Variants in ARPP21 observed in about 807,000 individuals in gnomAD.
ARPP21 encodes the protein cAMP-regulated phosphoprotein 21.
In ARPP21, 69 loss-of-function variants were observed where a neutral mutation model predicts 113.2. The ratio of observed to expected loss-of-function variants is 0.61; its 90% confidence interval spans 0.50 to 0.74. The LOEUF is 0.74. Among genes scored for constraint, ARPP21 ranks in the 30% least tolerant of loss-of-function variants. The pLI, the probability that ARPP21 is intolerant of heterozygous loss-of-function variation, is 0.00. For missense variants in ARPP21, 1,070 were observed against 1,037.4 expected, an observed-to-expected ratio of 1.03 and a Z score of -0.43; for synonymous variants, 368 against 375.5, an observed-to-expected ratio of 0.98 and a Z score of 0.23.
At chr3:35,783,987 T>A (rs1037588240) in intron 19 of ARPP21, among the ~76,000 whole-genome samples, 3 of 152,162 alleles carry the variant, frequency 2.0e-5, no homozygotes, top group African/African-American at 7.2e-5. Flanking sequence ...CTGGAAGCTT[T>A]CCACTGCATG....
In ARPP21 at chr3:35,793,820, T is replaced by A. The variant is rs776314966; in HGVS notation, c.2406T>A (p.Asn802Lys). Residue 802 changes from asparagine to lysine, a missense_variant, in exon 21 of 21, where the codon AAT becomes AAA. By Grantham distance (94) the Asn-to-Lys change is moderately conservative. Transcript: ENST00000684406. ...LPATGMPVYCNVTPPTPQNNL... is the reference protein window; with the variant it reads ...LPATGMPVYCKVTPPTPQNNL... ...CCACTGGAATGCCTGTTTACTGTAA[T>A]GTCACACCGCCCACCCCTCAGAACA... 2.7e-5 allele frequency: 44 copies of A among 1,614,088 alleles called. No homozygotes were observed. The highest frequency in any genetic ancestry group is 3.3e-4 in the Middle Eastern group (2 of 6,084).
intron 1 of ARPP21, among the ~76,000 whole-genome samples, chr3:35,670,256 G>T (rs2149309843): frequency 6.6e-6 from 1 of 152,184 alleles, no homozygotes; most frequent in East Asian, 1.9e-4. Flanking sequence ...TCAGGTTTGT[G>T]CAGGGAACAC....
chr3:35,669,365 T>C (rs987004385), intron 1 of ARPP21, among the ~76,000 whole-genome samples: 1 of 152,202 alleles, frequency 6.6e-6, no homozygotes, highest in Non-Finnish European at 1.5e-5. Flanking sequence ...GTTTCACAAA[T>C]AAGCCCACAG....
At chr3:35,758,309 A>G (rs1313709284) in intron 19 of ARPP21, among the ~76,000 whole-genome samples, 1 of 152,048 alleles carries the variant, frequency 6.6e-6, no homozygotes, top group Non-Finnish European at 1.5e-5. Context: ...AAAGCTTTCA[A>G]ATCTCTCATG....
At chr3:35,653,233 C>A (rs1703218432) in intron 1 of ARPP21, among the ~76,000 whole-genome samples, 3 of 151,844 alleles carry the variant, frequency 2.0e-5, no homozygotes, top group African/African-American at 7.3e-5. Context: ...GACATTATCT[C>A]TGTTATGATA....
intron 15 of ARPP21, among the ~76,000 whole-genome samples, chr3:35,733,786 G>A (rs2150582344): frequency 6.6e-6 from 1 of 152,064 alleles, no homozygotes; most frequent in Non-Finnish European, 1.5e-5. Flanking sequence ...TCAATTTTTT[G>A]TACTCCCTTC....
intron 15 of ARPP21, among the ~76,000 whole-genome samples, chr3:35,734,805 G>A (rs1005138900): frequency 2.6e-5 from 4 of 152,018 alleles, no homozygotes; most frequent in Admixed American, 6.6e-5. Flanking sequence ...CTAATTTATT[G>A]AGCTATACAA....
intron 1 of ARPP21, among the ~76,000 whole-genome samples, chr3:35,669,524 A>G (rs2149300131): frequency 6.6e-6 from 1 of 152,278 alleles, no homozygotes; most frequent in South Asian, 2.1e-4. Flanking sequence ...TTAAACGTTC[A>G]AAACCACACT....
At position 35,691,134 on chromosome 3, in the gene ARPP21, C is replaced by G. The variant is rs148780103; in HGVS notation, c.686+129C>G. On this transcript the variant is annotated intron_variant, in intron 9 of 20. Coordinates refer to ENST00000684406, the MANE Select transcript of ARPP21 (RefSeq NM_001385562.1). ...AGTGTTATTTATCTCTTGCTCTTATCAGAAGTAGTGTGGCATTTATCTGTA... is the reference window on the plus strand; with the variant it reads ...AGTGTTATTTATCTCTTGCTCTTATGAGAAGTAGTGTGGCATTTATCTGTA... The G allele has an allele frequency of 4.9e-5, 49 of 996,612 alleles. No individual in the cohort carries two copies. In the East Asian group the frequency reaches 1.3e-3, roughly 26 times the overall value. The allele number at this position is 996,612 out of a possible 1,614,324, so 61.7% of individuals were successfully genotyped here. A position where few individuals can be genotyped will look rare whatever the true frequency, so the allele number is the denominator to read the frequency against.
intron 9 of ARPP21, among the ~76,000 whole-genome samples, chr3:35,698,406 C>T (rs2084920838): frequency 6.6e-6 from 1 of 151,532 alleles, no homozygotes; most frequent in Non-Finnish European, 1.5e-5. Context: ...GAAAATGAAA[C>T]ATGCGTATAT....
intron 3 of ARPP21, 89 bp from the exon 4 acceptor site, chr3:35,682,759 T>C: frequency 9.1e-6 from 11 of 1,202,978 alleles, no homozygotes; most frequent in Non-Finnish European, 1.3e-5. Context: ...TTTTTCTCTC[T>C]TTCTTTCTCT....
rs544787197 is a variant in ARPP21, at chr3:35,648,006, C to T, written c.-213+7608C>T. ...ATTTACTTTTCTTACATTTAAGGATCCCCACCTCCATTTAAGAAAAAAAAA... is the reference window on the plus strand; with the variant it reads ...ATTTACTTTTCTTACATTTAAGGATTCCCACCTCCATTTAAGAAAAAAAAA... On this transcript the variant is annotated intron_variant, in intron 1 of 20. Coordinates refer to ENST00000684406, the MANE Select transcript of ARPP21 (RefSeq NM_001385562.1). Among the ~76,000 whole-genome samples the T allele has an allele frequency of 7.2e-5, 11 of 152,278 alleles. No individual in the cohort carries two copies. In the South Asian group the frequency reaches 2.3e-3, roughly 32 times the overall value.
intron 1 of ARPP21, among the ~76,000 whole-genome samples, chr3:35,663,551 A>G (rs1708789895): frequency 6.6e-6 from 1 of 152,224 alleles, no homozygotes; most frequent in South Asian, 2.1e-4. Context: ...CTTGTTCCAG[A>G]GAAATTTTTA....
chr3:35,719,093 G>A (rs1253637149), intron 13 of ARPP21, among the ~76,000 whole-genome samples: 1 of 151,846 alleles, frequency 6.6e-6, no homozygotes, highest in Admixed American at 6.5e-5. Flanking sequence ...CTGGATTCCA[G>A]TAGGGGAGGA....
At chr3:35,785,893 T>G (rs2096622321) in intron 19 of ARPP21, among the ~76,000 whole-genome samples, 1 of 152,162 alleles carries the variant, frequency 6.6e-6, no homozygotes. Context: ...CAGGTCATCC[T>G]GTACCAAGTT....
Position 35,657,097 on chromosome 3 carries a change from C to T in ARPP21, c.-213+16699C>T, listed in dbSNP as rs190877234. Among the ~76,000 whole-genome samples the T allele has an allele frequency of 1.3e-4, 20 of 152,140 alleles. No homozygotes were observed. The East Asian group carries it at 3.1e-3, about 24-fold the overall frequency. On this transcript the variant is annotated intron_variant, in intron 1 of 20. Coordinates refer to ENST00000684406, the MANE Select transcript of ARPP21 (RefSeq NM_001385562.1). ...CCCTGGTACCCTTCCCCTATTTTCTCATTCGGTATTTTTCTTAGAATCCTT... is the reference window on the plus strand; with the variant it reads ...CCCTGGTACCCTTCCCCTATTTTCTTATTCGGTATTTTTCTTAGAATCCTT...
chr3:35,719,410 G>A (rs979740252), intron 13 of ARPP21, among the ~76,000 whole-genome samples: 10 of 152,172 alleles, frequency 6.6e-5, no homozygotes, highest in Non-Finnish European at 1.3e-4. Flanking sequence ...AGCTAGTGAG[G>A]TAGAGGTAGA....
rs181377791 is a variant in ARPP21 at position 35,740,343 on chromosome 3, C to T, written c.2010+766C>T. On this transcript the variant is annotated intron_variant, in intron 18 of 20. Coordinates refer to ENST00000684406, the MANE Select transcript of ARPP21 (RefSeq NM_001385562.1). ...TGGTCCATTTTCAAGGCACACCGATCCCAAGAAAATTCCATCCTAATTATG... is the reference window on the plus strand; with the variant it reads ...TGGTCCATTTTCAAGGCACACCGATTCCAAGAAAATTCCATCCTAATTATG... 1.9e-3 allele frequency among the ~76,000 whole-genome samples: 287 copies of T among 152,302 alleles called. 1 individual carries two copies. Among genetic ancestry groups the T allele is most frequent in the Admixed American group, 5.7e-3 (87 of 15,300 alleles).
chr3:35,668,420 A>G (rs1427620910), intron 1 of ARPP21, among the ~76,000 whole-genome samples: 1 of 151,942 alleles, frequency 6.6e-6, no homozygotes, highest in Non-Finnish European at 1.5e-5. Context: ...CTCCTGCTGG[A>G]GTCTCTGAAG....
Sources: gnomAD v4.1 joint callset for allele counts (sites outside exome capture counted in the v4.1 genomes callset) on GRCh38, gnomAD v4.1.1 for gene constraint, MANE v1.5 for transcripts, NCBI Gene and HGNC (gene_info 2026-07-23, HGNC 2026-07-21) for gene names.